The following SORCS3 variants were observed in gnomAD, a reference collection of about 807,000 sequenced individuals.
SORCS3 encodes VPS10 domain-containing receptor SorCS3.
Under a neutral mutation model 146.3 loss-of-function variants are expected in SORCS3, and 57 were observed. The observed-to-expected ratio is 0.39, with a 90% CI of 0.31 to 0.49. SORCS3 has a LOEUF of 0.49. Among genes scored for constraint, SORCS3 ranks in the 20% least tolerant of loss-of-function variants. The probability of loss-of-function intolerance (pLI) is 0.92; values close to 1 mark genes in which losing one functional copy is unlikely to be tolerated. For missense variants in SORCS3, 1,341 were observed against 1,575.5 expected (o/e 0.85, Z 2.52); for synonymous variants, 653 against 618.5 (o/e 1.06, Z -0.83).
chr10:104,722,729 G>T (rs1589472899), intron 1 of SORCS3, among the ~76,000 whole-genome samples: 1 of 152,068 alleles, frequency 6.6e-6, no homozygotes, highest in African/African-American at 2.4e-5. Context: ...GTCGAGGAAT[G>T]TATCCATTTC....
chr10:105,030,695 C>T (rs530170305), intron 4 of SORCS3, among the ~76,000 whole-genome samples: 4 of 151,746 alleles, frequency 2.6e-5, no homozygotes, highest in East Asian at 2.0e-4. Context: ...TGGGTTCAAG[C>T]GATTTTCCTG....
At chr10:105,164,539 G>C (rs1041266219) in intron 12 of SORCS3, among the ~76,000 whole-genome samples, 160 bp downstream of exon 12, 3 of 152,182 alleles carry the variant, frequency 2.0e-5, no homozygotes, top group Non-Finnish European at 2.9e-5. Flanking sequence ...GGTTAGAGGG[G>C]TAATGGGGTA....
chr10:104,725,462 C>T (rs2133448955), intron 1 of SORCS3, among the ~76,000 whole-genome samples: 1 of 152,362 alleles, frequency 6.6e-6, no homozygotes, highest in Non-Finnish European at 1.5e-5. Flanking sequence ...GTTCTCAGAT[C>T]TCCAGCTGCA....
chr10:104,745,688 A>G (rs2016900783), intron 1 of SORCS3, among the ~76,000 whole-genome samples: 1 of 152,182 alleles, frequency 6.6e-6, no homozygotes, highest in Non-Finnish European at 1.5e-5. Flanking sequence ...GGATTTATTC[A>G]TCTTATATCA....
intron 14 of SORCS3, among the ~76,000 whole-genome samples, chr10:105,199,199 G>T (rs1279913305): frequency 6.6e-6 from 1 of 151,622 alleles, no homozygotes; most frequent in African/African-American, 2.4e-5. Context: ...TGCAAGACAC[G>T]CCACCCGAGT....
At chr10:104,661,826 G>A (rs759589433) in intron 1 of SORCS3, among the ~76,000 whole-genome samples, 40 of 152,214 alleles carry the variant, frequency 2.6e-4, no homozygotes, top group Non-Finnish European at 4.7e-4. Flanking sequence ...ACTTGATCTC[G>A]GCCTTCTGGG....
intron 16 of SORCS3, among the ~76,000 whole-genome samples, chr10:105,205,891 A>T (rs1486308115): frequency 1.3e-5 from 2 of 152,208 alleles, no homozygotes; most frequent in African/African-American, 2.4e-5. Context: ...TTCACTCAGG[A>T]TAATATTATT....
At chr10:105,022,393 G>A (rs539300834) in intron 4 of SORCS3, among the ~76,000 whole-genome samples, 1 of 150,904 alleles carries the variant, frequency 6.6e-6, no homozygotes, top group Non-Finnish European at 1.5e-5. Context: ...TGCCCCCTAG[G>A]TTCAAGCGAT....
intron 4 of SORCS3, among the ~76,000 whole-genome samples, chr10:105,026,309 C>G (rs112168861): frequency 3.9e-5 from 6 of 152,334 alleles, no homozygotes; most frequent in African/African-American, 1.2e-4. Flanking sequence ...ACTCGCCGCT[C>G]CACTCTGTGG....
At chr10:105,013,400 A>C (rs1418574685) in intron 4 of SORCS3, among the ~76,000 whole-genome samples, 5 of 152,110 alleles carry the variant, frequency 3.3e-5, no homozygotes, top group Non-Finnish European at 7.4e-5. Context: ...TCACAATAAA[A>C]TAAGAAAAAG....
chr10:105,206,979 A>C (rs1177651171), intron 16 of SORCS3, among the ~76,000 whole-genome samples: 4 of 152,106 alleles, frequency 2.6e-5, no homozygotes, highest in Non-Finnish European at 4.4e-5. Flanking sequence ...GAGTGGTCTG[A>C]GAGCCCCTGC....
intron 1 of SORCS3, among the ~76,000 whole-genome samples, chr10:104,745,510 T>C (rs774548036): frequency 1.3e-5 from 2 of 152,222 alleles, no homozygotes; most frequent in African/African-American, 2.4e-5. Flanking sequence ...CCATAATCTA[T>C]GCTATAAACC....
intron 1 of SORCS3, among the ~76,000 whole-genome samples, chr10:104,754,051 G>A (rs1257856832): frequency 2.0e-5 from 3 of 152,094 alleles, no homozygotes; most frequent in Admixed American, 2.0e-4. Flanking sequence ...AGAGTTCAGG[G>A]GCCCTATTTG....
chr10:105,164,390 G>A lies in SORCS3; in HGVS notation c.1809+11G>A. The A allele has an allele frequency of 6.3e-7, 1 of 1,597,188 alleles. No individual in the cohort carries two copies. The highest frequency in any genetic ancestry group is 8.6e-7 in the Non-Finnish European group (1 of 1,165,024). On this transcript the variant is annotated intron_variant, in intron 12 of 26. Coordinates refer to ENST00000369701, the MANE Select transcript of SORCS3 (RefSeq NM_014978.3). Reference sequence around the variant, plus strand: ...AACACATGGAGACAGGTAACTGGGTGAATTGACAAAAAGGGAGGAGGCATT... The same window carrying A: ...AACACATGGAGACAGGTAACTGGGTAAATTGACAAAAAGGGAGGAGGCATT...
intron 4 of SORCS3, among the ~76,000 whole-genome samples, chr10:105,040,946 C>G (rs1415102612): frequency 6.7e-6 from 1 of 148,854 alleles, no homozygotes; most frequent in Non-Finnish European, 1.5e-5. Flanking sequence ...GTACCTTCAT[C>G]TATAAAATGA....
chr10:105,073,209 G>A (rs1476090544), intron 5 of SORCS3, among the ~76,000 whole-genome samples: 2 of 152,168 alleles, frequency 1.3e-5, no homozygotes, highest in Admixed American at 6.5e-5. Context: ...GTTCAGATCA[G>A]CCAGGTTTAG....
chr10:105,179,112 C>T (rs114163791), intron 14 of SORCS3, among the ~76,000 whole-genome samples: 2,978 of 152,230 alleles, frequency 0.02, 47 homozygotes, highest in Middle Eastern at 0.048. Context: ...TTCTTTGTAA[C>T]TGTATTTATG....
At position 105,039,724 on chromosome 10, in the gene SORCS3, G is replaced by A. The variant is rs1437705279; in HGVS notation, c.955-3331G>A. Among the ~76,000 whole-genome samples, 4 of 151,974 alleles carry A rather than the reference G, an allele frequency of 2.6e-5. No homozygotes were observed. In the South Asian group the frequency reaches 8.3e-4, roughly 32 times the overall value. The stretch of plus-strand genomic sequence containing the variant: ...CCTGCCTCAGCCTCCCAAAGTGCTG[G>A]GATTATAGGCATGAGCCACTGCACC... On this transcript the variant is annotated intron_variant, in intron 4 of 26. Coordinates refer to ENST00000369701, the MANE Select transcript of SORCS3 (RefSeq NM_014978.3).
At chr10:105,098,213 G>A (rs1230651696) in intron 6 of SORCS3, among the ~76,000 whole-genome samples, 1 of 152,132 alleles carries the variant, frequency 6.6e-6, no homozygotes, top group African/African-American at 2.4e-5. Flanking sequence ...AGGCCAAAAC[G>A]AGGACAAAGT....
Sources: gnomAD v4.1 joint callset for allele counts (sites outside exome capture counted in the v4.1 genomes callset) on GRCh38, gnomAD v4.1.1 for gene constraint, MANE v1.5 for transcripts, NCBI Gene and HGNC (gene_info 2026-07-23, HGNC 2026-07-21) for gene names.